Variants in MAP2K2 observed in about 807,000 individuals in gnomAD.
MAP2K2 encodes the protein mitogen-activated protein kinase kinase 2, also known as dual specificity mitogen-activated protein kinase kinase 2.
In MAP2K2, 24 loss-of-function variants were observed where a neutral mutation model predicts 43.7. The observed-to-expected ratio is 0.55, with a 90% CI of 0.40 to 0.77. The LOEUF (loss-of-function observed/expected upper bound fraction) is 0.77. Among genes scored for constraint, MAP2K2 ranks in the 30% least tolerant of loss-of-function variants. The pLI is 0.00. For synonymous variants in MAP2K2, 244 were observed against 239.7 expected (o/e 1.02, Z -0.17); for missense variants, 470 against 566.8 (o/e 0.83, Z 1.73).
intron 7 of MAP2K2, among the ~76,000 whole-genome samples, chr19:4,098,239 G>C (rs1056583203): frequency 6.6e-6 from 1 of 152,148 alleles, no homozygotes; most frequent in Non-Finnish European, 1.5e-5. Context: ...CCATTTCTGT[G>C]AAATGCCCAG....
In MAP2K2 at chr19:4,117,530, G is replaced by C. The variant is rs8157; in HGVS notation, c.192C>G (p.Val64=). ...LEAFLTQKAK[V]GELKDDDFER... ...CGAAGTCATCGTCTTTGAGTTCGCC[G>C]ACCTTGGCTTTCTGGGTGAGAAAGG... Residue 64 remains valine (V), a synonymous_variant, in exon 2 of 11, where the codon GTC becomes GTG. Coordinates refer to ENST00000262948, the MANE Select transcript of MAP2K2 (RefSeq NM_030662.4). 6.2e-7 allele frequency: 1 copy of C among 1,614,046 alleles called. No individual in the cohort carries two copies. Among genetic ancestry groups the C allele is most frequent in the Non-Finnish European group, 8.5e-7 (1 of 1,180,016 alleles).
chr19:4,110,790 A>G, intron 2 of MAP2K2, 135 bp from the exon 3 acceptor site: 1 of 906,744 alleles, frequency 1.1e-6, no homozygotes, highest in Non-Finnish European at 1.7e-6. Context: ...TTCCACCCCT[A>G]GGTGTCTGCC....
chr19:4,100,699 C>G, intron 6 of MAP2K2: 1 of 442,612 alleles, frequency 2.3e-6, no homozygotes, highest in Non-Finnish European at 4.1e-6. Flanking sequence ...CAAGGGGAAT[C>G]CGAAAAGCAG....
At chr19:4,096,908 C>T (rs1304687296) in intron 8 of MAP2K2, among the ~76,000 whole-genome samples, 1 of 151,708 alleles carries the variant, frequency 6.6e-6, no homozygotes, top group Non-Finnish European at 1.5e-5. Flanking sequence ...TTGTGCAGCA[C>T]AGTAGAAGAT....
At chr19:4,123,741 G>T in intron 1 of MAP2K2, 43 bp downstream of exon 1, 2 of 1,458,248 alleles carry the variant, frequency 1.4e-6, no homozygotes, top group Non-Finnish European at 1.8e-6. Flanking sequence ...AGGGCTCCCT[G>T]CCCCGTGCAC....
rs2040842931 is a variant in MAP2K2 at position 4,090,362 on chromosome 19, G to GCAGA, written c.*232_*235dup. The GCAGA allele has an allele frequency of 1.7e-6, 1 of 598,034 alleles. No individual in the cohort carries two copies. The highest frequency in any genetic ancestry group is 1.9e-5 in the African/African-American group (1 of 53,816). The allele number at this position is 598,034 out of a possible 1,614,324, so 37.0% of individuals were successfully genotyped here. A position where few individuals can be genotyped will look rare whatever the true frequency, so the allele number is the denominator to read the frequency against. On this transcript the variant is annotated 3_prime_UTR_variant, in exon 11 of 11. Transcript: ENST00000262948. ...CTGTTTTGTTTTGTAACCTAAGGAA[G>GCAGA]CAGAGCCTCTGAGACCACACACAGC...
Position 4,123,848 on chromosome 19 carries a change from G to A in MAP2K2, c.28C>T (p.Pro10Ser), listed in dbSNP as rs2145089963. The A allele has an allele frequency of 6.6e-7, 1 of 1,524,776 alleles. No homozygotes were observed. Among genetic ancestry groups the A allele is most frequent in the Non-Finnish European group, 8.8e-7 (1 of 1,139,208 alleles). The allele number at this position is 1,524,776 out of a possible 1,614,324, so 94.5% of individuals were successfully genotyped here. MLARRKPVL[P>S]ALTINPTIAE... Reference sequence around the variant, plus strand: ...ATGGTAGGGTTGATGGTGAGCGCCGGCAGCACCGGCTTCCTCCGGGCCAGC... The same window carrying A: ...ATGGTAGGGTTGATGGTGAGCGCCGACAGCACCGGCTTCCTCCGGGCCAGC... Residue 10 changes from proline to serine, a missense_variant, in exon 1 of 11, where the codon CCG becomes TCG. This residue lies in a region of MAP2K2 where 58 missense variants were observed against 48.0 expected (regional missense o/e 1.21). Transcript: ENST00000262948.
At chr19:4,098,150 C>T (rs181748756) in intron 7 of MAP2K2, among the ~76,000 whole-genome samples, 3 of 152,306 alleles carry the variant, frequency 2.0e-5, no homozygotes, top group East Asian at 1.9e-4. Flanking sequence ...CGCACCATGG[C>T]GTGGATGACC....
In MAP2K2 at chr19:4,123,928, G is replaced by A; in HGVS notation, c.-53C>T. On this transcript the variant is annotated 5_prime_UTR_variant, in exon 1 of 11. Transcript: ENST00000262948. Reference sequence around the variant, plus strand: ...CGCCTCTAGCCGGGGCCCATAGGGGGCGGGCCGGGAGCGGTCGGCGCCTAC... The same window carrying A: ...CGCCTCTAGCCGGGGCCCATAGGGGACGGGCCGGGAGCGGTCGGCGCCTAC... The A allele has an allele frequency of 1.7e-6, 2 of 1,147,234 alleles. No homozygotes were observed. Among genetic ancestry groups the A allele is most frequent in the South Asian group, 2.3e-5 (1 of 42,700 alleles). 71.1% of individuals were successfully genotyped at this position (1,147,234 alleles called of 1,614,324 possible).
At position 4,123,793 on chromosome 19, in the gene MAP2K2, C is replaced by T. The variant is rs763455417; in HGVS notation, c.83G>A (p.Gly28Asp). ...ACCCCTGCCCACTCACTCGGAGGCG[C>T]CCTCGCTGGTAGGGGATGGGCCCTC... The part of the protein sequence containing the change: ...IAEGPSPTSE[G>D]ASEANLVDLQ... The change falls in exon 1 of 11, where the codon GGC becomes GAC. Residue 28 changes from glycine (G) to aspartate (D), a missense_variant. Around this residue, in one of 3 missense-constraint regions of MAP2K2, gnomAD observed 58 missense variants for 48.0 expected, o/e 1.21. Coordinates refer to ENST00000262948, the MANE Select transcript of MAP2K2 (RefSeq NM_030662.4). 4.5e-6 allele frequency: 7 copies of T among 1,560,138 alleles called. No homozygotes were observed. Among genetic ancestry groups the T allele is most frequent in the Non-Finnish European group, 6.0e-6 (7 of 1,157,828 alleles).
At chr19:4,105,000 C>G (rs1201830685) in intron 3 of MAP2K2, among the ~76,000 whole-genome samples, 1 of 152,166 alleles carries the variant, frequency 6.6e-6, no homozygotes, top group Non-Finnish European at 1.5e-5. Flanking sequence ...AGAACTGCCC[C>G]TGGTTGAGAA....
intron 10 of MAP2K2, among the ~76,000 whole-genome samples, chr19:4,093,002 A>G (rs972935963): frequency 1.3e-5 from 2 of 152,260 alleles, no homozygotes; most frequent in Admixed American, 1.3e-4. Flanking sequence ...TGAGGTCAGG[A>G]GTTCGAGACC....
rs45523634 is a variant in MAP2K2, at chr19:4,095,055, G to A, written c.1046+333C>T. ...GGCGACCCTCCCAGAACCTGCGGGC[G>A]GATCCCGGGGAGCCCACAGTCAGCA... On this transcript the variant is annotated intron_variant, in intron 9 of 10. Transcript: ENST00000262948. 5.8e-3 allele frequency: 2,132 copies of A among 370,056 alleles called. 10 individuals are homozygous for A. Among genetic ancestry groups the A allele is most frequent in the African/African-American group, 0.013 (660 of 49,240 alleles). The allele number at this position is 370,056 out of a possible 1,614,324, so 22.9% of individuals were successfully genotyped here.
At chr19:4,105,323 C>T (rs1204562614) in intron 3 of MAP2K2, among the ~76,000 whole-genome samples, 1 of 150,898 alleles carries the variant, frequency 6.6e-6, no homozygotes, top group Non-Finnish European at 1.5e-5. Context: ...GGCGGGGGTG[C>T]AGTGGCACCA....
At position 4,090,588 on chromosome 19, in the gene MAP2K2, C is replaced by A. The variant is rs767674295; in HGVS notation, c.*10G>T. 6.5e-7 allele frequency: 1 copy of A among 1,548,564 alleles called. No individual in the cohort carries two copies. Among genetic ancestry groups the A allele is most frequent in the East Asian group, 2.4e-5 (1 of 40,930 alleles). ...AGGTCACCAGCGGGACGCAGGGAGC[C>A]CGGCCACTGTCACACGGCGGTGCGC... On this transcript the variant is annotated 3_prime_UTR_variant, in exon 11 of 11. Coordinates refer to ENST00000262948, the MANE Select transcript of MAP2K2 (RefSeq NM_030662.4).
At chr19:4,092,638 T>G (rs183737198) in intron 10 of MAP2K2, among the ~76,000 whole-genome samples, 5 of 152,134 alleles carry the variant, frequency 3.3e-5, no homozygotes, top group Admixed American at 2.6e-4. Context: ...TTTTTAGTTA[T>G]TTATTTATTT....
In MAP2K2 at chr19:4,101,176, C is replaced by T. The variant is rs2041004250; in HGVS notation, c.581-33G>A. 1 of 1,434,706 alleles carries T rather than the reference C, an allele frequency of 7.0e-7. No homozygotes were observed. The highest frequency in any genetic ancestry group is 3.3e-5 in the East Asian group (1 of 30,570). The allele number at this position is 1,434,706 out of a possible 1,614,324, so 88.9% of individuals were successfully genotyped here. A position where few individuals can be genotyped will look rare whatever the true frequency, so the allele number is the denominator to read the frequency against. ...CGGCAGGCTGCGGGTGAGGGGCGCC[C>T]AACAGTTGCCTGCCGGCCCCCGGGG... On this transcript the variant is annotated intron_variant, in intron 5 of 10. Coordinates refer to ENST00000262948, the MANE Select transcript of MAP2K2 (RefSeq NM_030662.4). This position sits in a 1 kb window ranked among gnomAD's most constrained non-coding sequence, Gnocchi z 6.3.
At chr19:4,102,926 G>C (rs1348478244) in intron 3 of MAP2K2, 1 of 1,135,230 alleles carries the variant, frequency 8.8e-7, no homozygotes, top group African/African-American at 1.6e-5. Context: ...AGGGCGCGGA[G>C]GAGACGCGGG....
intron 1 of MAP2K2, among the ~76,000 whole-genome samples, chr19:4,121,775 A>C: frequency 5.9e-5 from 1 of 16,998 alleles, no homozygotes; most frequent in Non-Finnish European, 1.1e-4. Context: ...CCATGTCCTG[A>C]CACCCCTAAG....
Sources: gnomAD v4.1 joint callset for allele counts (sites outside exome capture counted in the v4.1 genomes callset) on GRCh38, gnomAD v4.1.1 for gene constraint, gnomAD v4.1.1 regional missense constraint, Gnocchi (gnomAD v3.1) non-coding constraint, MANE v1.5 for transcripts, NCBI Gene and HGNC (gene_info 2026-07-23, HGNC 2026-07-21) for gene names.